The following DENND2B variants were observed in gnomAD, a reference collection of about 807,000 sequenced individuals.
DENND2B encodes DENN domain containing 2B, also known as DENN domain-containing protein 2B.
DENND2B carries 32 observed loss-of-function variants against 116.0 expected under a neutral mutation model. The observed-to-expected ratio is 0.28, with a 90% CI of 0.21 to 0.37. DENND2B has a LOEUF of 0.37. Among genes scored for constraint, DENND2B ranks in the 10% least tolerant of loss-of-function variants. The pLI is 1.00. For synonymous variants in DENND2B, 588 were observed against 583.9 expected (o/e 1.01, Z -0.10); for missense variants, 1,276 against 1,477.7 (o/e 0.86, Z 2.24).
intron 1 of DENND2B, among the ~76,000 whole-genome samples, chr11:8,754,294 A>G (rs2053217355): frequency 6.6e-6 from 1 of 152,222 alleles, no homozygotes; most frequent in Non-Finnish European, 1.5e-5. Context: ...AAAGGTATAA[A>G]CTTGGCCAAT....
intron 2 of DENND2B, among the ~76,000 whole-genome samples, chr11:8,866,029 G>A (rs898193454): frequency 5.3e-5 from 8 of 151,686 alleles, no homozygotes; most frequent in African/African-American, 1.9e-4. Context: ...GCGCGATCTC[G>A]GCTCACTGCA....
chr11:8,898,494 C>G (rs1566090774), intron 1 of DENND2B, among the ~76,000 whole-genome samples: 1 of 152,154 alleles, frequency 6.6e-6, no homozygotes, highest in East Asian at 1.9e-4. Flanking sequence ...ACTCACTAAA[C>G]AAATAAACCA....
At chr11:8,714,374 G>A (rs959066730) in intron 7 of DENND2B, among the ~76,000 whole-genome samples, 1 of 152,262 alleles carries the variant, frequency 6.6e-6, no homozygotes, top group East Asian at 1.9e-4. Flanking sequence ...GCAATGCTCA[G>A]TGAGTCTGGC....
chr11:8,806,908 C>T (rs1593989360), intron 1 of DENND2B, among the ~76,000 whole-genome samples: 1 of 146,498 alleles, frequency 6.8e-6, no homozygotes, highest in African/African-American at 2.5e-5. Context: ...GCCAGATGGT[C>T]TTTTTTTTTT....
chr11:8,782,104 C>T (rs1194793566), intron 1 of DENND2B, among the ~76,000 whole-genome samples: 1 of 152,162 alleles, frequency 6.6e-6, no homozygotes, highest in Non-Finnish European at 1.5e-5. Context: ...ACAGTCATTA[C>T]AATAGTGTCT....
intron 4 of DENND2B, 50 bp downstream of exon 4, chr11:8,726,023 C>CTTCTGCA: frequency 6.2e-7 from 1 of 1,611,952 alleles, no homozygotes; most frequent in Non-Finnish European, 8.5e-7. Flanking sequence ...TGTTCCTGTT[C>CTTCTGCA]TTCTGCAGCC....
At chr11:8,901,037 C>A (rs1012129312) in intron 1 of DENND2B, among the ~76,000 whole-genome samples, 4 of 151,302 alleles carry the variant, frequency 2.6e-5, no homozygotes, top group Non-Finnish European at 5.9e-5. Flanking sequence ...AGGCGTGAGC[C>A]ACCACACCTG....
upstream of DENND2B, among the ~76,000 whole-genome samples, chr11:8,875,306 G>A (rs978232510): frequency 6.7e-6 from 1 of 148,572 alleles, no homozygotes; most frequent in Non-Finnish European, 1.5e-5. Context: ...CTGGGCTACA[G>A]AGTGAGACTC....
intron 2 of DENND2B, among the ~76,000 whole-genome samples, chr11:8,743,631 T>C (rs1271416271): frequency 2.0e-5 from 3 of 152,152 alleles, no homozygotes; most frequent in African/African-American, 4.8e-5. Flanking sequence ...CCTAAGAATC[T>C]TATGAGTGGG....
intron 4 of DENND2B, 37 bp from the exon 5 acceptor site, chr11:8,717,929 G>A (rs766880394): frequency 2.2e-5 from 35 of 1,594,832 alleles, no homozygotes; most frequent in Non-Finnish European, 2.9e-5. Context: ...GGGGAGAAGG[G>A]AAGAAGGAAA....
intron 2 of DENND2B, among the ~76,000 whole-genome samples, chr11:8,739,561 T>G (rs889889456): frequency 6.6e-6 from 1 of 152,260 alleles, no homozygotes. Flanking sequence ...GCTCTTATCA[T>G]CTCTCTGTTA....
intron 2 of DENND2B, among the ~76,000 whole-genome samples, chr11:8,869,400 C>T (rs568856442): frequency 1.3e-5 from 2 of 152,192 alleles, no homozygotes; most frequent in Non-Finnish European, 2.9e-5. Flanking sequence ...CAGTGGCTCA[C>T]GCCTGTAATT....
Position 8,712,169 on chromosome 11 carries a change from T to A in DENND2B, c.2172+382A>T. Reference sequence around the variant, plus strand: ...GGGAGAAGTGCGGAGTGACAGCTAGTGGGTGCAGAGTTTCTCTTTGGGGTG... The same window carrying A: ...GGGAGAAGTGCGGAGTGACAGCTAGAGGGTGCAGAGTTTCTCTTTGGGGTG... On this transcript the variant is annotated intron_variant, in intron 9 of 19. Transcript: ENST00000313726. The surrounding 1 kb of genome is among the most constrained non-coding windows in gnomAD (Gnocchi z 4.4). 2.7e-6 allele frequency: 1 copy of A among 364,020 alleles called. No individual in the cohort carries two copies. Among genetic ancestry groups the A allele is most frequent in the South Asian group, 2.0e-5 (1 of 49,694 alleles). 22.5% of individuals were successfully genotyped at this position (364,020 alleles called of 1,614,324 possible).
chr11:8,841,775 T>A (rs1458059248), intron 3 of DENND2B, among the ~76,000 whole-genome samples: 1 of 152,234 alleles, frequency 6.6e-6, no homozygotes, highest in Non-Finnish European at 1.5e-5. Flanking sequence ...ATGGACTACA[T>A]GACATGGCAC....
rs567164115 is a variant in DENND2B, at chr11:8,714,089, A to T, written c.1943-47T>A. 5 of 1,604,680 alleles carry T rather than the reference A, an allele frequency of 3.1e-6. No individual in the cohort carries two copies. The South Asian group carries it at 5.5e-5, about 18-fold the overall frequency. ...ACATACTTGCTGGACCTCACAGCCA[A>T]TGTTTTTTGCTCCCCCACCACCCCA... On this transcript the variant is annotated intron_variant, in intron 7 of 19. Coordinates refer to ENST00000313726, the MANE Select transcript of DENND2B (RefSeq NM_213618.2).
At chr11:8,889,978 T>G (rs938566459) in intron 1 of DENND2B, among the ~76,000 whole-genome samples, 9 of 152,130 alleles carry the variant, frequency 5.9e-5, no homozygotes, top group Non-Finnish European at 1.3e-4. Context: ...GTAGCCTAAC[T>G]GGGAGGCACC....
chr11:8,836,987 A>G (rs1244122351), intron 4 of DENND2B, among the ~76,000 whole-genome samples: 2 of 152,256 alleles, frequency 1.3e-5, no homozygotes, highest in African/African-American at 4.8e-5. Context: ...AAGTGCTGGG[A>G]TTACAGGCGT....
rs2134594722 is a variant in DENND2B, at chr11:8,834,862, A to G, written c.-115+4448T>C. On this transcript the variant is annotated intron_variant, in intron 4 of 6. Transcript: ENST00000524757. Reference sequence around the variant, plus strand: ...GCAGACAAGCTCATTAATGAACAACATGGCTGAAATACTGTTTATACATAA... The same window carrying G: ...GCAGACAAGCTCATTAATGAACAACGTGGCTGAAATACTGTTTATACATAA... 2.0e-5 allele frequency among the ~76,000 whole-genome samples: 3 copies of G among 152,350 alleles called. No individual in the cohort carries two copies. The Middle Eastern group carries it at 0.01, about 518-fold the overall frequency.
chr11:8,757,002 T>C (rs2053720936), intron 1 of DENND2B: 1 of 456,088 alleles, frequency 2.2e-6, no homozygotes, highest in Non-Finnish European at 4.4e-6. Flanking sequence ...TATAGACAAC[T>C]ATCTGAAGAG....
Sources: allele counts gnomAD v4.1 joint callset (sites outside exome capture counted in the v4.1 genomes callset), GRCh38; gene constraint gnomAD v4.1.1; non-coding constraint Gnocchi (gnomAD v3.1); transcripts MANE v1.5; gene names NCBI Gene and HGNC (gene_info 2026-07-23, HGNC 2026-07-21).